RBBP5: variants seen among roughly 807,000 people sequenced by gnomAD.
RBBP5 encodes retinoblastoma-binding protein 5.
A neutral mutation model predicts 72.2 loss-of-function variants in RBBP5; 5 were observed. The observed-to-expected ratio is 0.07, with a 90% CI of 0.04 to 0.15. The LOEUF (loss-of-function observed/expected upper bound fraction) is 0.15. RBBP5 is among the 10% of genes least tolerant of loss of function. RBBP5 has a pLI of 1.00. For synonymous variants in RBBP5, 209 were observed against 237.2 expected (o/e 0.88, Z 1.09); for missense variants, 322 against 652.2 (o/e 0.49, Z 5.51).
intron 1 of RBBP5, 29 bp downstream of exon 1, chr1:205,121,826 C>G (rs1656748452): frequency 6.2e-7 from 1 of 1,612,382 alleles, no homozygotes; most frequent in Non-Finnish European, 8.5e-7. Context: ...CCCAACGCTT[C>G]TCTAAAACGC....
intron 1 of RBBP5, among the ~76,000 whole-genome samples, chr1:205,118,608 G>T (rs1431565190): frequency 6.6e-6 from 1 of 151,934 alleles, no homozygotes; most frequent in African/African-American, 2.4e-5. Flanking sequence ...GGCGACAGAA[G>T]CAAGACTCCC....
chr1:205,121,341 T>C (rs1656729366), intron 1 of RBBP5, among the ~76,000 whole-genome samples: 2 of 152,232 alleles, frequency 1.3e-5, no homozygotes, highest in African/African-American at 2.4e-5. Flanking sequence ...TGGATTCCAG[T>C]GCCAACTATG....
At chr1:205,103,681 C>G (rs994063424) in intron 5 of RBBP5, among the ~76,000 whole-genome samples, 176 bp downstream of exon 5, 2 of 152,146 alleles carry the variant, frequency 1.3e-5, no homozygotes, top group Non-Finnish European at 2.9e-5. Flanking sequence ...CTCTATCACT[C>G]TAAATCCAAA....
chr1:205,103,816 C>A, intron 5 of RBBP5, 41 bp downstream of exon 5: 1 of 1,580,690 alleles, frequency 6.3e-7, no homozygotes. Flanking sequence ...ATTAAATGAG[C>A]CAGTGTACAA....
At chr1:205,105,263 G>T in intron 3 of RBBP5, 95 bp from the exon 4 acceptor site, 1 of 1,386,162 alleles carries the variant, frequency 7.2e-7, no homozygotes, top group Non-Finnish European at 9.9e-7. Flanking sequence ...TGCTGCAACT[G>T]CACAGGTCAA....
chr1:205,101,902 T>C (rs1655839838), intron 5 of RBBP5, among the ~76,000 whole-genome samples, 193 bp from the exon 6 acceptor site: 1 of 151,344 alleles, frequency 6.6e-6, no homozygotes, highest in South Asian at 2.1e-4. Context: ...GTCTTTTTTT[T>C]TTTTTTTTTT....
chr1:205,116,537 A>G (rs1171574738), intron 1 of RBBP5, among the ~76,000 whole-genome samples: 1 of 152,208 alleles, frequency 6.6e-6, no homozygotes, highest in Admixed American at 6.5e-5. Flanking sequence ...AAGAGCAAGG[A>G]GCCGGGCTCG....
At chr1:205,118,759 A>G (rs966506305) in intron 1 of RBBP5, among the ~76,000 whole-genome samples, 1 of 152,246 alleles carries the variant, frequency 6.6e-6, no homozygotes, top group African/African-American at 2.4e-5. Flanking sequence ...TATATTTCTT[A>G]CTGTGATTTG....
At chr1:205,115,380 T>C (rs1656480351) in intron 2 of RBBP5, among the ~76,000 whole-genome samples, 2 of 152,188 alleles carry the variant, frequency 1.3e-5, no homozygotes. Flanking sequence ...AACCCTGGAA[T>C]AGCCTACAAT....
At chr1:205,101,484 A>T in intron 6 of RBBP5, 116 bp downstream of exon 6, 2 of 655,354 alleles carry the variant, frequency 3.1e-6, no homozygotes, top group South Asian at 3.6e-5. Context: ...TAAAAACCTT[A>T]AGTACATTTT....
rs563097594 is a variant in RBBP5 at position 205,121,214 on chromosome 1, G to A, written c.19+641C>T. On this transcript the variant is annotated intron_variant, in intron 1 of 13. Coordinates refer to ENST00000264515, the MANE Select transcript of RBBP5 (RefSeq NM_005057.4). ...AGTTTTTAAATAATCTGGATAGGAG[G>A]TAAGGAGGCAATGACTCAAAGTGAG... Among the ~76,000 whole-genome samples the A allele has an allele frequency of 3.3e-5, 5 of 152,298 alleles. No individual in the cohort carries two copies. In the East Asian group the frequency reaches 5.8e-4, roughly 18 times the overall value.
rs908245815 is a variant in RBBP5, at chr1:205,087,056, C to T, written c.*1731G>A. 1.3e-5 allele frequency: 2 copies of T among 152,170 alleles called. No individual in the cohort carries two copies. Among genetic ancestry groups the T allele is most frequent in the African/African-American group, 4.8e-5 (2 of 41,420 alleles). The allele number at this position is 152,170 out of a possible 1,614,324, so 9.4% of individuals were successfully genotyped here. ...ACTGACTCAGGGAGAGCTCTTTCTT[C>T]AACTACTGAATATACTGGTTTTAAA... On this transcript the variant is annotated 3_prime_UTR_variant, in exon 14 of 14. Coordinates refer to ENST00000264515, the MANE Select transcript of RBBP5 (RefSeq NM_005057.4).
In RBBP5 at chr1:205,099,135, T is replaced by A; in HGVS notation, c.979-29A>T. On this transcript the variant is annotated intron_variant, in intron 9 of 13. Coordinates refer to ENST00000264515, the MANE Select transcript of RBBP5 (RefSeq NM_005057.4). The surrounding 1 kb of genome is among the most constrained non-coding windows in gnomAD (Gnocchi z 4.7). ...TACAACAAGATATACTACTTAACCATATGTGAAAGCAATAATCTGTAATCT... is the reference window on the plus strand; with the variant it reads ...TACAACAAGATATACTACTTAACCAAATGTGAAAGCAATAATCTGTAATCT... 7.5e-7 allele frequency: 1 copy of A among 1,335,364 alleles called. No individual in the cohort carries two copies. Among genetic ancestry groups the A allele is most frequent in the East Asian group, 2.4e-5 (1 of 41,124 alleles). 82.7% of individuals were successfully genotyped at this position (1,335,364 alleles called of 1,614,324 possible).
At position 205,086,911 on chromosome 1, in the gene RBBP5, A is replaced by G. The variant is rs1655160415; in HGVS notation, c.*1876T>C. 1 of 152,262 alleles carries G rather than the reference A, an allele frequency of 6.6e-6. No individual in the cohort carries two copies. The highest frequency in any genetic ancestry group is 2.4e-5 in the African/African-American group (1 of 41,468). The allele number at this position is 152,262 out of a possible 1,614,324, so 9.4% of individuals were successfully genotyped here. The stretch of plus-strand genomic sequence containing the variant: ...GGACTGGAATGGATATAATGTCTGC[A>G]AAACAAAAACATGTCTAGTGAGCCA... On this transcript the variant is annotated 3_prime_UTR_variant, in exon 14 of 14. Transcript: ENST00000264515.
In RBBP5 at chr1:205,114,742, ATCAT is replaced by A. The variant is rs754087743; in HGVS notation, c.218+43_218+46del. ...CAATGAGATTTGCAAATATATAGTC[ATCAT>A]TCATTCTCCTCATATTTAAATATTA... On this transcript the variant is annotated intron_variant, in intron 3 of 13. Transcript: ENST00000264515. 17 of 1,418,660 alleles carry A rather than the reference ATCAT, an allele frequency of 1.2e-5. No individual in the cohort carries two copies. The Middle Eastern group carries it at 1.1e-3, about 90-fold the overall frequency. The allele number at this position is 1,418,660 out of a possible 1,614,324, so 87.9% of individuals were successfully genotyped here. A position where few individuals can be genotyped will look rare whatever the true frequency, so the allele number is the denominator to read the frequency against.
At chr1:205,108,950 C>T (rs1656192704) in intron 3 of RBBP5, among the ~76,000 whole-genome samples, 1 of 152,076 alleles carries the variant, frequency 6.6e-6, no homozygotes, top group Middle Eastern at 3.2e-3. Context: ...GTGCTCAATG[C>T]CTGGTACATA....
rs1374768598 is a variant in RBBP5 at position 205,114,776 on chromosome 1, A to G, written c.218+13T>C. On this transcript the variant is annotated intron_variant, in intron 3 of 13. Transcript: ENST00000264515. ...TCTCCTCATATTTAAATATTAATTA[A>G]AAAATGTCTTACCATAAAGAACACA... 7.9e-5 allele frequency: 119 copies of G among 1,500,060 alleles called. No individual in the cohort carries two copies. The East Asian group carries it at 3.0e-3, about 38-fold the overall frequency. The allele number at this position is 1,500,060 out of a possible 1,614,324, so 92.9% of individuals were successfully genotyped here.
chr1:205,121,706 C>A, intron 1 of RBBP5, 149 bp downstream of exon 1: 1 of 1,316,790 alleles, frequency 7.6e-7, no homozygotes, highest in South Asian at 1.2e-5. Context: ...GGTGGGCTTC[C>A]TCCTCCCGCT....
chr1:205,096,597 C>T lies in RBBP5; in HGVS notation c.1396+85G>A, dbSNP rs1655627861. On this transcript the variant is annotated intron_variant, in intron 12 of 13. Transcript: ENST00000264515. ...GGAAAATTCCTCTAAGGTGAAATCG[C>T]TCAAACAGGAAATTACCAGGTTGCG... 3 of 1,295,910 alleles carry T rather than the reference C, an allele frequency of 2.3e-6. No individual in the cohort carries two copies. In the Admixed American group the frequency reaches 6.5e-5, roughly 28 times the overall value. The allele number at this position is 1,295,910 out of a possible 1,614,324, so 80.3% of individuals were successfully genotyped here.
Sources: allele counts gnomAD v4.1 joint callset (sites outside exome capture counted in the v4.1 genomes callset), GRCh38; gene constraint gnomAD v4.1.1; non-coding constraint Gnocchi (gnomAD v3.1); transcripts MANE v1.5; gene names NCBI Gene and HGNC (gene_info 2026-07-23, HGNC 2026-07-21).